Variants in SORCS2 observed in about 807,000 individuals in gnomAD.
The protein encoded by SORCS2 is sortilin related VPS10 domain containing receptor 2.
In SORCS2, 100 loss-of-function variants were observed where a neutral mutation model predicts 141.6. The ratio of observed to expected loss-of-function variants is 0.71; its 90% CI spans 0.60 to 0.83. The LOEUF is 0.83. Among genes scored for constraint, SORCS2 ranks in the 40% least tolerant of loss-of-function variants. SORCS2 has a pLI of 0.00. For synonymous variants in SORCS2, 789 were observed against 676.9 expected (o/e 1.17, Z -2.57); for missense variants, 1,646 against 1,560.2 (o/e 1.05, Z -0.93).
At chr4:7,560,104 G>T (rs943390364) in intron 3 of SORCS2, among the ~76,000 whole-genome samples, 1 of 152,232 alleles carries the variant, frequency 6.6e-6, no homozygotes, top group East Asian at 1.9e-4. Flanking sequence ...CATCCTCGCA[G>T]GTTAGGAGCA....
intron 2 of SORCS2, among the ~76,000 whole-genome samples, chr4:7,455,037 T>C (rs1170297385): frequency 7.0e-5 from 2 of 28,500 alleles, no homozygotes; most frequent in Admixed American, 4.5e-4. Flanking sequence ...TGGGGTCAGG[T>C]GCTGTGTGTT....
chr4:7,215,161 C>T (rs11722329), intron 1 of SORCS2, among the ~76,000 whole-genome samples: 101,404 of 151,688 alleles, frequency 0.67, 34,051 homozygotes, highest in African/African-American at 0.69. Flanking sequence ...GGGCTGTGTG[C>T]GGCGCTTGCG....
At chr4:7,537,735 C>A (rs541847823) in intron 3 of SORCS2, among the ~76,000 whole-genome samples, 7 of 152,196 alleles carry the variant, frequency 4.6e-5, no homozygotes, top group Admixed American at 1.3e-4. Context: ...CGGCCGGATG[C>A]AGTGTCTCAC....
At chr4:7,723,223 C>G (rs1435309477) in intron 18 of SORCS2, among the ~76,000 whole-genome samples, 1 of 152,162 alleles carries the variant, frequency 6.6e-6, no homozygotes, top group African/African-American at 2.4e-5. Context: ...AGAACCGCAG[C>G]TTCCCAGAAA....
chr4:7,369,970 G>T lies in SORCS2; in HGVS notation c.481-26318G>T, dbSNP rs992190360. Reference sequence around the variant, plus strand: ...ATAGGAGCTGTGTGACCTTGGGTAGGTTATTCTCCCTCTCTGAGCCTCAGT... The same window carrying T: ...ATAGGAGCTGTGTGACCTTGGGTAGTTTATTCTCCCTCTCTGAGCCTCAGT... On this transcript the variant is annotated intron_variant, in intron 1 of 26. Transcript: ENST00000507866. Among the ~76,000 whole-genome samples the T allele has an allele frequency of 2.0e-5, 3 of 152,188 alleles. No individual in the cohort carries two copies. In the South Asian group the frequency reaches 6.2e-4, roughly 32 times the overall value.
rs531343909 is a variant in SORCS2 at position 7,642,251 on chromosome 4, CCCTT to C, written c.813+3764_813+3767del. Among the ~76,000 whole-genome samples the C allele has an allele frequency of 1.1e-4, 17 of 152,324 alleles. No homozygotes were observed. In the South Asian group the frequency reaches 3.5e-3, roughly 32 times the overall value. ...CCTGGGCTACCTCTTTGCTCCTGGCCCCTTCCTTGGGGATGGCTTGTGCTTCTGG... is the reference window on the plus strand; with the variant it reads ...CCTGGGCTACCTCTTTGCTCCTGGCCCCTTGGGGATGGCTTGTGCTTCTGG... On this transcript the variant is annotated intron_variant, in intron 4 of 26. Transcript: ENST00000507866.
intron 3 of SORCS2, among the ~76,000 whole-genome samples, chr4:7,537,110 G>A (rs985333157): frequency 5.3e-5 from 8 of 152,330 alleles, no homozygotes; most frequent in Non-Finnish European, 4.4e-5. Flanking sequence ...AGCCCGGCCC[G>A]CTTGGCTGGG....
At chr4:7,453,812 G>C in intron 2 of SORCS2, among the ~76,000 whole-genome samples, 1 of 127,792 alleles carries the variant, frequency 7.8e-6, no homozygotes, top group South Asian at 3.0e-4. Context: ...GTTAGGGTCA[G>C]GTGCTGTGTT....
chr4:7,534,560 G>C (rs1415167167), intron 3 of SORCS2, among the ~76,000 whole-genome samples: 1 of 152,222 alleles, frequency 6.6e-6, no homozygotes, highest in Non-Finnish European at 1.5e-5. Context: ...GTGATGGGAA[G>C]GTTCTCCTGG....
chr4:7,403,976 T>C (rs1724764662), intron 2 of SORCS2, among the ~76,000 whole-genome samples: 1 of 6,846 alleles, frequency 1.5e-4, no homozygotes, highest in African/African-American at 3.8e-4. Context: ...TATATATATA[T>C]ATATATATAT....
At chr4:7,288,790 G>GT (rs1293652834) in intron 1 of SORCS2, among the ~76,000 whole-genome samples, 33 of 121,458 alleles carry the variant, frequency 2.7e-4, no homozygotes, top group African/African-American at 8.9e-4. Flanking sequence ...TTCATGTGGG[G>GT]TGGGGGGGGG....
intron 1 of SORCS2, among the ~76,000 whole-genome samples, chr4:7,307,966 AGTGTGTGTGCGCAGGCCT>A (rs1717945290): frequency 6.6e-6 from 1 of 151,816 alleles, no homozygotes; most frequent in African/African-American, 2.4e-5. Context: ...TGTGTGTCTG[AGTGTGTGTGCGCAGGCCT>A]GTGTGTGTGC....
chr4:7,442,848 C>T (rs1577571106), intron 2 of SORCS2, among the ~76,000 whole-genome samples: 1 of 151,968 alleles, frequency 6.6e-6, no homozygotes, highest in East Asian at 2.0e-4. Flanking sequence ...ACAACCGGAA[C>T]TCCTTTTGCA....
intron 26 of SORCS2, among the ~76,000 whole-genome samples, chr4:7,739,414 G>A (rs551508489): frequency 4.0e-4 from 61 of 152,246 alleles, no homozygotes; most frequent in African/African-American, 1.2e-3. Flanking sequence ...CCCAGCCCCC[G>A]ATGGCTTTTT....
intron 2 of SORCS2, among the ~76,000 whole-genome samples, chr4:7,483,934 A>T (rs951399328): frequency 6.6e-6 from 1 of 152,210 alleles, no homozygotes; most frequent in African/African-American, 2.4e-5. Flanking sequence ...ACAAAAAACC[A>T]AACAAAAACA....
At chr4:7,442,914 A>G (rs952477933) in intron 2 of SORCS2, among the ~76,000 whole-genome samples, 5 of 151,974 alleles carry the variant, frequency 3.3e-5, no homozygotes, top group African/African-American at 4.8e-5. Flanking sequence ...GCTCCCTCCG[A>G]AGGCTGCGGG....
At chr4:7,690,916 C>T (rs1447847983) in intron 11 of SORCS2, among the ~76,000 whole-genome samples, 1 of 152,172 alleles carries the variant, frequency 6.6e-6, no homozygotes, top group Non-Finnish European at 1.5e-5. Context: ...TTAAATAATA[C>T]CATAAAATGA....
chr4:7,552,971 G>A (rs762111908), intron 3 of SORCS2, among the ~76,000 whole-genome samples: 1 of 152,220 alleles, frequency 6.6e-6, no homozygotes, highest in Non-Finnish European at 1.5e-5. Flanking sequence ...TAGGAAGGGA[G>A]CGAGGAGTGG....
intron 3 of SORCS2, among the ~76,000 whole-genome samples, chr4:7,552,666 C>T (rs536547703): frequency 2.8e-4 from 42 of 152,302 alleles, no homozygotes; most frequent in African/African-American, 8.7e-4. Flanking sequence ...CTGCCATGGC[C>T]GTGGCTGCCC....
Sources: gnomAD v4.1 joint callset for allele counts (sites outside exome capture counted in the v4.1 genomes callset) on GRCh38, gnomAD v4.1.1 for gene constraint, MANE v1.5 for transcripts, NCBI Gene and HGNC (gene_info 2026-07-23, HGNC 2026-07-21) for gene names.